The following KCNIP4 variants were observed in gnomAD, a reference collection of about 807,000 sequenced individuals.
KCNIP4 encodes the protein potassium voltage-gated channel interacting protein 4.
A neutral mutation model predicts 34.0 loss-of-function variants in KCNIP4; 12 were observed. The ratio of observed to expected loss-of-function variants is 0.35; its 90% confidence interval spans 0.23 to 0.57. KCNIP4 has a LOEUF of 0.57. Ranked by LOEUF, KCNIP4 falls within the 20% of genes least tolerant of loss-of-function variation. The probability of loss-of-function intolerance (pLI) is 0.83; values close to 1 mark genes in which losing one functional copy is unlikely to be tolerated. For synonymous variants in KCNIP4, 124 were observed against 102.2 expected (o/e 1.21, Z -1.29); for missense variants, 238 against 311.7 (o/e 0.76, Z 1.78).
intron 1 of KCNIP4, among the ~76,000 whole-genome samples, chr4:21,311,310 C>T (rs1578061607): frequency 6.6e-6 from 1 of 152,264 alleles, no homozygotes; most frequent in South Asian, 2.1e-4. Context: ...AAGGAAAACA[C>T]ATTGCTTATA....
chr4:21,885,166 C>G (rs771748213), intron 1 of KCNIP4, among the ~76,000 whole-genome samples: 3 of 152,012 alleles, frequency 2.0e-5, no homozygotes, highest in African/African-American at 4.8e-5. Context: ...CCAATAAATA[C>G]AGAAAGCAAG....
At chr4:21,017,276 C>T (rs1231605304) in intron 1 of KCNIP4, among the ~76,000 whole-genome samples, 5 of 152,148 alleles carry the variant, frequency 3.3e-5, no homozygotes, top group Non-Finnish European at 5.9e-5. Context: ...GCTTGCTGCA[C>T]CTATCAACCC....
intron 1 of KCNIP4, among the ~76,000 whole-genome samples, chr4:21,126,953 G>C (rs1260908097): frequency 1.3e-5 from 2 of 150,750 alleles, no homozygotes; most frequent in Non-Finnish European, 2.9e-5. Context: ...CTCTGTCAAG[G>C]TCAGGCATGA....
chr4:20,806,826 G>T (rs968673429), intron 3 of KCNIP4, among the ~76,000 whole-genome samples: 4 of 152,082 alleles, frequency 2.6e-5, no homozygotes, highest in Non-Finnish European at 5.9e-5. Context: ...GCAGAACTGG[G>T]TTTTGAAACA....
chr4:21,593,117 GTT>G (rs1491368439), intron 1 of KCNIP4, among the ~76,000 whole-genome samples: 807 of 55,514 alleles, frequency 0.015, 9 homozygotes, highest in African/African-American at 0.041. Context: ...GTGTGTGTGT[GTT>G]TGTGTGTGTG....
At chr4:21,855,109 C>T (rs561001736) in intron 1 of KCNIP4, among the ~76,000 whole-genome samples, 10 of 152,306 alleles carry the variant, frequency 6.6e-5, no homozygotes, top group Admixed American at 4.6e-4. Flanking sequence ...CTTTAAGCAA[C>T]AGACAGAATC....
At chr4:21,316,270 T>G (rs1713750100) in intron 1 of KCNIP4, 2 of 152,202 alleles carry the variant, frequency 1.3e-5, no homozygotes, top group South Asian at 4.1e-4. Context: ...TGATTTATAT[T>G]TCTCTCCTCA....
intron 1 of KCNIP4, among the ~76,000 whole-genome samples, chr4:21,853,920 ATGT>A (rs1429621870): frequency 1.3e-5 from 2 of 152,150 alleles, no homozygotes; most frequent in Non-Finnish European, 2.9e-5. Flanking sequence ...ATAGCATCTA[ATGT>A]TGTCATTAAG....
chr4:20,941,337 G>C (rs571066075), intron 1 of KCNIP4, among the ~76,000 whole-genome samples: 23 of 152,200 alleles, frequency 1.5e-4, no homozygotes, highest in Admixed American at 1.4e-3. Context: ...GTTTTTCCTT[G>C]ACTATATGAA....
chr4:21,284,764 G>A (rs1180543322), intron 1 of KCNIP4, among the ~76,000 whole-genome samples: 1 of 151,232 alleles, frequency 6.6e-6, no homozygotes, highest in Non-Finnish European at 1.5e-5. Context: ...GTGTGTGCGT[G>A]TGTGTGTGTG....
At chr4:21,869,779 T>TAGAC (rs1330509204) in intron 1 of KCNIP4, among the ~76,000 whole-genome samples, 4,120 of 121,530 alleles carry the variant, frequency 0.034, 75 homozygotes, top group East Asian at 0.054. Flanking sequence ...GATAGATAGA[T>TAGAC]AGATAGACAG....
intron 1 of KCNIP4, among the ~76,000 whole-genome samples, chr4:21,548,500 G>T (rs1244905813): frequency 6.6e-6 from 1 of 151,880 alleles, no homozygotes; most frequent in Non-Finnish European, 1.5e-5. Context: ...CATCACTGTT[G>T]CATATAAAAT....
chr4:21,341,381 C>T lies in KCNIP4; in HGVS notation c.62-458672G>A, dbSNP rs77776887. On this transcript the variant is annotated intron_variant, in intron 1 of 8. Transcript: ENST00000382152. ...TGCTTCCCTTACATAAGCAGAGAACCACTTAAGGTGATACCATCTCCACAC... is the reference window on the plus strand; with the variant it reads ...TGCTTCCCTTACATAAGCAGAGAACTACTTAAGGTGATACCATCTCCACAC... 2.8e-3 allele frequency among the ~76,000 whole-genome samples: 425 copies of T among 152,226 alleles called. 2 individuals carry two copies. Among genetic ancestry groups the T allele is most frequent in the African/African-American group, 9.4e-3 (390 of 41,552 alleles).
chr4:21,130,633 A>C (rs1750994119), intron 1 of KCNIP4, among the ~76,000 whole-genome samples: 1 of 152,200 alleles, frequency 6.6e-6, no homozygotes, highest in South Asian at 2.1e-4. Flanking sequence ...GTTAAAAATG[A>C]ATGAGTGGTT....
intron 1 of KCNIP4, among the ~76,000 whole-genome samples, chr4:21,364,480 G>T (rs1231665092): frequency 6.6e-6 from 1 of 152,022 alleles, no homozygotes; most frequent in African/African-American, 2.4e-5. Context: ...TGTTTCCCAT[G>T]CATAGGAAAC....
intron 1 of KCNIP4, among the ~76,000 whole-genome samples, chr4:20,927,269 G>A (rs969292310): frequency 1.3e-5 from 2 of 152,170 alleles, no homozygotes; most frequent in African/African-American, 4.8e-5. Flanking sequence ...GAGCCACCGT[G>A]CCCTGCCCTT....
intron 3 of KCNIP4, among the ~76,000 whole-genome samples, chr4:20,776,551 T>G (rs1444926306): frequency 1.3e-5 from 2 of 152,216 alleles, no homozygotes; most frequent in African/African-American, 4.8e-5. Context: ...TAGATGATTT[T>G]CTGAAAGAAT....
chr4:21,769,162 T>C (rs998644063), intron 1 of KCNIP4, among the ~76,000 whole-genome samples: 1 of 143,072 alleles, frequency 7.0e-6, no homozygotes, highest in Non-Finnish European at 1.5e-5. Flanking sequence ...CATCAACTCC[T>C]CCTTTTAAGT....
intron 1 of KCNIP4, among the ~76,000 whole-genome samples, chr4:21,899,468 A>G (rs1727586904): frequency 6.6e-6 from 1 of 152,178 alleles, no homozygotes; most frequent in South Asian, 2.1e-4. Flanking sequence ...AGTAAAGGGC[A>G]TCAAAATAGG....
Sources: gnomAD v4.1 joint callset for allele counts (sites outside exome capture counted in the v4.1 genomes callset) on GRCh38, gnomAD v4.1.1 for gene constraint, MANE v1.5 for transcripts, NCBI Gene and HGNC (gene_info 2026-07-23, HGNC 2026-07-21) for gene names.